Variants in KLHL1 observed in about 807,000 individuals in gnomAD.
KLHL1 encodes kelch like family member 1, also known as kelch-like protein 1.
KLHL1 carries 47 observed loss-of-function variants against 77.7 expected under a neutral mutation model. The ratio of observed to expected loss-of-function variants is 0.60; its 90% confidence interval spans 0.48 to 0.77. KLHL1 has a LOEUF of 0.77. Among genes scored for constraint, KLHL1 ranks in the 30% least tolerant of loss-of-function variants. The pLI is 0.00. For synonymous variants in KLHL1, 360 were observed against 325.2 expected, an observed-to-expected ratio of 1.11 and a Z score of -1.15; for missense variants, 925 against 910.8, an observed-to-expected ratio of 1.02 and a Z score of -0.20.
intron 4 of KLHL1, 107 bp downstream of exon 4, chr13:69,939,933 A>C (rs1220588061): frequency 1.3e-6 from 1 of 787,234 alleles, no homozygotes; most frequent in Non-Finnish European, 1.9e-6. Context: ...CCAAGCATAG[A>C]AAACTCATTT....
At chr13:69,871,134 C>T (rs1017625864) in intron 5 of KLHL1, among the ~76,000 whole-genome samples, 10 of 152,174 alleles carry the variant, frequency 6.6e-5, no homozygotes, top group African/African-American at 2.4e-4. Flanking sequence ...ATTGTGGGCA[C>T]TTGCAGACTT....
chr13:70,089,828 C>T (rs1887631564), intron 1 of KLHL1, among the ~76,000 whole-genome samples: 1 of 152,118 alleles, frequency 6.6e-6, no homozygotes, highest in Admixed American at 6.6e-5. Flanking sequence ...AGTCATATTT[C>T]TACTTCCTAC....
At chr13:69,810,065 G>C (rs1309144991) in intron 6 of KLHL1, among the ~76,000 whole-genome samples, 1 of 152,036 alleles carries the variant, frequency 6.6e-6, no homozygotes, top group Non-Finnish European at 1.5e-5. Context: ...CCTAAGAAAA[G>C]ACTTTGACAG....
intron 2 of KLHL1, among the ~76,000 whole-genome samples, chr13:69,970,163 G>T (rs1467259239): frequency 6.6e-6 from 1 of 152,050 alleles, no homozygotes; most frequent in Non-Finnish European, 1.5e-5. Flanking sequence ...TCATTCTTGA[G>T]CATTGCCTTA....
chr13:69,991,019 T>G (rs1327631450), intron 1 of KLHL1, among the ~76,000 whole-genome samples: 1 of 151,964 alleles, frequency 6.6e-6, no homozygotes, highest in African/African-American at 2.4e-5. Context: ...ACCATACAAT[T>G]ACATGGGTAT....
At chr13:70,090,571 A>G (rs1022109375) in intron 1 of KLHL1, among the ~76,000 whole-genome samples, 16 of 152,160 alleles carry the variant, frequency 1.1e-4, no homozygotes, top group African/African-American at 3.9e-4. Flanking sequence ...GAGGCACACA[A>G]TTTAAAGCTG....
At chr13:69,822,109 G>T (rs1878362969) in intron 6 of KLHL1, among the ~76,000 whole-genome samples, 1 of 149,956 alleles carries the variant, frequency 6.7e-6, no homozygotes, top group African/African-American at 2.5e-5. Flanking sequence ...TGAGGCAGGA[G>T]AATCGCTTGA....
At chr13:70,017,807 T>C (rs1309242883) in intron 1 of KLHL1, among the ~76,000 whole-genome samples, 1 of 152,192 alleles carries the variant, frequency 6.6e-6, no homozygotes, top group Non-Finnish European at 1.5e-5. Flanking sequence ...AGAGCTTAAG[T>C]GAAATATTGT....
intron 7 of KLHL1, among the ~76,000 whole-genome samples, chr13:69,795,136 C>G (rs1330854816): frequency 6.6e-6 from 1 of 152,150 alleles, no homozygotes; most frequent in African/African-American, 2.4e-5. Context: ...TCTTGTGCCC[C>G]CATCAACCTG....
chr13:69,952,101 T>C (rs952064925), intron 3 of KLHL1, among the ~76,000 whole-genome samples: 1 of 151,468 alleles, frequency 6.6e-6, no homozygotes, highest in Admixed American at 6.6e-5. Flanking sequence ...GTTCTAAATA[T>C]GTTTTGTTTA....
chr13:69,857,275 A>T lies in KLHL1; in HGVS notation c.1228-18113T>A, dbSNP rs142190733. On this transcript the variant is annotated intron_variant, in intron 5 of 10. Coordinates refer to ENST00000377844, the MANE Select transcript of KLHL1 (RefSeq NM_020866.3). Reference sequence around the variant, plus strand: ...ACGTTTACTTCTCTTCCAAGACACAACATATGTCACCTCCTTTATGAAGTC... The same window carrying T: ...ACGTTTACTTCTCTTCCAAGACACATCATATGTCACCTCCTTTATGAAGTC... Among the ~76,000 whole-genome samples, 327 of 152,142 alleles carry T rather than the reference A, an allele frequency of 2.1e-3. 3 individuals carry two copies. Among genetic ancestry groups the T allele is most frequent in the African/African-American group, 7.7e-3 (318 of 41,528 alleles).
chr13:69,911,507 C>T lies in KLHL1; in HGVS notation c.1014+28533G>A, dbSNP rs550234094. ...GGATTCTCTTTACAAATATTCAGTA[C>T]TTACATGTTACATGAGTAGGCTCAA... On this transcript the variant is annotated intron_variant, in intron 4 of 10. Coordinates refer to ENST00000377844, the MANE Select transcript of KLHL1 (RefSeq NM_020866.3). 4.6e-4 allele frequency among the ~76,000 whole-genome samples: 69 copies of T among 149,772 alleles called. 2 individuals carry two copies. The highest frequency in any genetic ancestry group is 2.1e-3 in the South Asian group (10 of 4,750).
At chr13:70,087,325 G>T (rs552025747) in intron 1 of KLHL1, among the ~76,000 whole-genome samples, 1 of 152,028 alleles carries the variant, frequency 6.6e-6, no homozygotes, top group Non-Finnish European at 1.5e-5. Flanking sequence ...CCAAACAGCC[G>T]CATCCAGACC....
intron 2 of KLHL1, among the ~76,000 whole-genome samples, chr13:69,964,760 T>G (rs1278544416): frequency 1.3e-5 from 2 of 152,062 alleles, no homozygotes; most frequent in Non-Finnish European, 2.9e-5. Context: ...GATTGCTTTA[T>G]TCATTGTTAT....
At position 69,961,343 on chromosome 13, in the gene KLHL1, T is replaced by C. The variant is rs376168535; in HGVS notation, c.782A>G (p.Asn261Ser). The C allele has an allele frequency of 4.8e-5, 78 of 1,612,776 alleles. No individual in the cohort carries two copies. Among genetic ancestry groups the C allele is most frequent in the Middle Eastern group, 1.6e-4 (1 of 6,074 alleles). ...EEIKMEGIDP[N>S]ALWDLVQFAY... ...AAATTGGACAAGGTCCCAGAGAGCA[T>C]TGGGGTCTATGCCTTCCATTTTGAT... is the stretch of plus-strand genomic sequence containing the variant. The change falls in exon 3 of 11, where the codon AAT becomes AGT. Residue 261 changes from asparagine (N) to serine (S), a missense_variant. By Grantham distance (46) the Asn-to-Ser change is conservative (BLOSUM62 1). Transcript: ENST00000377844.
chr13:70,009,153 C>T (rs1342144325), intron 1 of KLHL1, among the ~76,000 whole-genome samples: 4 of 149,508 alleles, frequency 2.7e-5, no homozygotes, highest in Non-Finnish European at 4.5e-5. Flanking sequence ...GTGTAAGTCA[C>T]GACTCCTTCT....
intron 1 of KLHL1, among the ~76,000 whole-genome samples, chr13:70,007,224 G>A (rs1412019250): frequency 6.6e-6 from 1 of 151,904 alleles, no homozygotes; most frequent in Admixed American, 6.6e-5. Context: ...AATCAAATGT[G>A]TATTTTTATT....
intron 1 of KLHL1, among the ~76,000 whole-genome samples, chr13:70,079,650 G>A (rs1295892873): frequency 6.6e-6 from 1 of 152,024 alleles, no homozygotes; most frequent in Non-Finnish European, 1.5e-5. Context: ...TTATTATAAT[G>A]ATTATAATAT....
intron 1 of KLHL1, among the ~76,000 whole-genome samples, chr13:70,058,375 T>C (rs1730935533): frequency 6.6e-6 from 1 of 152,162 alleles, no homozygotes; most frequent in Non-Finnish European, 1.5e-5. Context: ...ATAAATTCAG[T>C]AAAGTTATAG....
Sources: allele counts gnomAD v4.1 joint callset (sites outside exome capture counted in the v4.1 genomes callset), GRCh38; gene constraint gnomAD v4.1.1; transcripts MANE v1.5; gene names NCBI Gene and HGNC (gene_info 2026-07-23, HGNC 2026-07-21).